Variants in ANO2 observed in about 807,000 individuals in gnomAD.
ANO2 encodes anoctamin 2.
Under a neutral mutation model 124.2 loss-of-function variants are expected in ANO2, and 101 were observed. The ratio of observed to expected loss-of-function variants is 0.81; its 90% CI spans 0.69 to 0.96. The LOEUF (loss-of-function observed/expected upper bound fraction) is 0.96, where lower values mean the gene tolerates loss of function less well. ANO2 is among the 40% of genes least tolerant of loss of function. The pLI, the probability that ANO2 is intolerant of heterozygous loss-of-function variation, is 0.00. For synonymous variants in ANO2, 486 were observed against 482.5 expected, an observed-to-expected ratio of 1.01 and a Z score of -0.09; for missense variants, 1,293 against 1,274.5, an observed-to-expected ratio of 1.01 and a Z score of -0.22.
chr12:5,610,864 C>T (rs55679319), intron 19 of ANO2, among the ~76,000 whole-genome samples: 2 of 127,580 alleles, frequency 1.6e-5, no homozygotes, highest in Admixed American at 7.5e-5. Context: ...ACACACAACC[C>T]TAAGGGAAAT....
chr12:5,704,244 G>A (rs758091682), intron 14 of ANO2, among the ~76,000 whole-genome samples: 4 of 152,138 alleles, frequency 2.6e-5, no homozygotes, highest in South Asian at 2.1e-4. Flanking sequence ...GAACCCTCAC[G>A]ACTCCTGCAT....
intron 14 of ANO2, among the ~76,000 whole-genome samples, chr12:5,695,633 G>C (rs1949136118): frequency 6.6e-6 from 1 of 152,198 alleles, no homozygotes; most frequent in Non-Finnish European, 1.5e-5. Context: ...CTGAGGTCAG[G>C]AGTTCGAAAC....
At chr12:5,655,330 A>G (rs1947103370) in intron 14 of ANO2, among the ~76,000 whole-genome samples, 1 of 151,952 alleles carries the variant, frequency 6.6e-6, no homozygotes, top group Non-Finnish European at 1.5e-5. Context: ...GTTCTCCTTT[A>G]TCTTAAAACT....
At chr12:5,946,189 T>C (rs1329754222), upstream of ANO2, 1 of 1,613,636 alleles carries the variant, frequency 6.2e-7, no homozygotes, top group South Asian at 1.1e-5. This position sits in a 1 kb window ranked among gnomAD's most constrained non-coding sequence, Gnocchi z 4.1. Flanking sequence ...ATTGATAAGG[T>C]AGGCTGGTCA....
At chr12:5,643,441 C>T (rs541042562) in intron 15 of ANO2, among the ~76,000 whole-genome samples, 1 of 152,040 alleles carries the variant, frequency 6.6e-6, no homozygotes, top group African/African-American at 2.4e-5. Flanking sequence ...ATTTATGTAT[C>T]CATTCTGGTG....
intron 20 of ANO2, among the ~76,000 whole-genome samples, chr12:5,595,916 G>A (rs775267035): frequency 6.6e-6 from 1 of 152,170 alleles, no homozygotes; most frequent in African/African-American, 2.4e-5. Flanking sequence ...TAGGATTCAG[G>A]ATATTAAGTG....
chr12:5,842,496 A>G (rs958156476), intron 4 of ANO2, among the ~76,000 whole-genome samples: 2 of 152,142 alleles, frequency 1.3e-5, no homozygotes, highest in Non-Finnish European at 2.9e-5. Context: ...CAGGGAGCAC[A>G]GGATTCCTGC....
intron 10 of ANO2, among the ~76,000 whole-genome samples, chr12:5,797,519 C>T (rs1303023866): frequency 6.6e-6 from 1 of 152,148 alleles, no homozygotes; most frequent in Non-Finnish European, 1.5e-5. Flanking sequence ...CATGCTCCAG[C>T]CCACATTTCT....
Position 5,862,942 on chromosome 12 carries a change from C to G in ANO2, c.535-8801G>C, listed in dbSNP as rs1450739847. On this transcript the variant is annotated intron_variant, in intron 3 of 24. Transcript: ENST00000682330. This position sits in a 1 kb window ranked among gnomAD's most constrained non-coding sequence, Gnocchi z 4.0. ...AGTAGCTGGGATTACAGGCACCCAC[C>G]ACCACACCCAGCTAATTTTTTGTAT... Among the ~76,000 whole-genome samples the G allele has an allele frequency of 1.3e-5, 2 of 152,096 alleles. No individual in the cohort carries two copies. Among genetic ancestry groups the G allele is most frequent in the Admixed American group, 6.5e-5 (1 of 15,282 alleles).
rs74056023 is a variant in ANO2, at chr12:5,589,503, C to T, written c.2233+9981G>A. Among the ~76,000 whole-genome samples, 733 of 152,170 alleles carry T rather than the reference C, an allele frequency of 4.8e-3. 5 individuals carry two copies. Among genetic ancestry groups the T allele is most frequent in the African/African-American group, 0.015 (635 of 41,510 alleles). On this transcript the variant is annotated intron_variant, in intron 20 of 24. Coordinates refer to ENST00000682330, the MANE Select transcript of ANO2 (RefSeq NM_001364791.2). ...TCTGTTAGCCTAGGTAAGAGAAAGC[C>T]GAAGACATAAATGATACACTCATTT...
chr12:5,837,698 G>A (rs1954374108), intron 4 of ANO2, among the ~76,000 whole-genome samples: 1 of 151,726 alleles, frequency 6.6e-6, no homozygotes, highest in Non-Finnish European at 1.5e-5. Context: ...GAATCTCTGG[G>A]ACGCATTCAA....
At chr12:5,899,714 G>A (rs12314345) in intron 3 of ANO2, among the ~76,000 whole-genome samples, 16,392 of 152,176 alleles carry the variant, frequency 0.11, 2,016 homozygotes, top group African/African-American at 0.3. Context: ...TCGGATTCCA[G>A]ATAACTGTTC....
intron 19 of ANO2, among the ~76,000 whole-genome samples, chr12:5,601,289 TAAAG>T (rs1319549465): frequency 2.0e-5 from 3 of 152,146 alleles, no homozygotes; most frequent in Non-Finnish European, 2.9e-5. Flanking sequence ...TCAAGATAAA[TAAAG>T]ATAGACAAAT....
intron 4 of ANO2, among the ~76,000 whole-genome samples, chr12:5,838,504 G>A (rs1277510892): frequency 2.6e-5 from 4 of 152,114 alleles, no homozygotes; most frequent in Non-Finnish European, 5.9e-5. Flanking sequence ...GGTCTCCCCC[G>A]TAGTACACAC....
intron 3 of ANO2, among the ~76,000 whole-genome samples, chr12:5,855,487 G>C: frequency 6.6e-6 from 1 of 152,240 alleles, no homozygotes; most frequent in East Asian, 1.9e-4. Context: ...GAGGAAGAAA[G>C]CTCATGACTT....
At chr12:5,590,653 C>T (rs535321477) in intron 20 of ANO2, among the ~76,000 whole-genome samples, 43 of 152,264 alleles carry the variant, frequency 2.8e-4, no homozygotes, top group African/African-American at 8.4e-4. Context: ...TTCTAAAACC[C>T]AAAGACAAGG....
intron 3 of ANO2, among the ~76,000 whole-genome samples, chr12:5,854,448 T>G (rs1460831591): frequency 6.0e-5 from 9 of 150,394 alleles, no homozygotes; most frequent in Admixed American, 5.9e-4. Context: ...GGTCACAGAT[T>G]TGAAATATAA....
intron 10 of ANO2, among the ~76,000 whole-genome samples, chr12:5,791,913 G>A (rs916937246): frequency 5.9e-5 from 9 of 152,004 alleles, no homozygotes; most frequent in African/African-American, 1.2e-4. Context: ...CAATAAATTC[G>A]TATTTATTTA....
chr12:5,819,602 G>T (rs1238178160), intron 7 of ANO2, among the ~76,000 whole-genome samples: 2 of 152,230 alleles, frequency 1.3e-5, no homozygotes, highest in Non-Finnish European at 1.5e-5. Flanking sequence ...GATCCAAAGG[G>T]TTAGGGAGAT....
Sources: allele counts gnomAD v4.1 joint callset (sites outside exome capture counted in the v4.1 genomes callset), GRCh38; gene constraint gnomAD v4.1.1; non-coding constraint Gnocchi (gnomAD v3.1); transcripts MANE v1.5; gene names NCBI Gene and HGNC (gene_info 2026-07-23, HGNC 2026-07-21).